The following RAD54L variants were observed in gnomAD, a reference collection of about 807,000 sequenced individuals.
RAD54L encodes the protein DNA repair and recombination protein RAD54-like.
A neutral mutation model predicts 91.6 loss-of-function variants in RAD54L; 74 were observed. The observed-to-expected ratio is 0.81, with a 90% CI of 0.67 to 0.98. The LOEUF (loss-of-function observed/expected upper bound fraction) is 0.98, where lower values mean the gene tolerates loss of function less well. Ranked by LOEUF, RAD54L falls within the 50% of genes least tolerant of loss-of-function variation. RAD54L has a pLI of 0.00. For missense variants in RAD54L, 887 were observed against 945.7 expected (o/e 0.94, Z 0.81); for synonymous variants, 304 against 349.7 (o/e 0.87, Z 1.46).
In RAD54L at chr1:46,265,930, C is replaced by T. The variant is rs1216139742; in HGVS notation, c.892-1529C>T. Among the ~76,000 whole-genome samples the T allele has an allele frequency of 1.3e-5, 2 of 152,304 alleles. No individual in the cohort carries two copies. Among genetic ancestry groups the T allele is most frequent in the South Asian group, 2.1e-4 (1 of 4,828 alleles). On this transcript the variant is annotated intron_variant, in intron 8 of 17. Coordinates refer to ENST00000371975, the MANE Select transcript of RAD54L (RefSeq NM_003579.4). This position sits in a 1 kb window ranked among gnomAD's most constrained non-coding sequence, Gnocchi z 4.8. Reference sequence around the variant, plus strand: ...TAAAATGGATAATACAATTTCCATTCGTGTGGATTACAGAACAGAATACAG... The same window carrying T: ...TAAAATGGATAATACAATTTCCATTTGTGTGGATTACAGAACAGAATACAG...
chr1:46,261,359 A>G lies in RAD54L; in HGVS notation c.865A>G (p.Ser289Gly), dbSNP rs751093452. 7 of 1,613,964 alleles carry G rather than the reference A, an allele frequency of 4.3e-6. No homozygotes were observed. The highest frequency in any genetic ancestry group is 5.1e-6 in the Non-Finnish European group (6 of 1,179,966). ...TCATGTTGGAGTCCTCCAGAAAGGAAGTGTTGGTCTGGTCATATGTGACGA... is the reference window on the plus strand; with the variant it reads ...TCATGTTGGAGTCCTCCAGAAAGGAGGTGTTGGTCTGGTCATATGTGACGA... ...RLHVGVLQKG[S>G]VGLVICDEGH... Residue 289 changes from serine (S) to glycine (G), a missense_variant, in exon 8 of 18, where the codon AGT becomes GGT. Ser to Gly is a moderately conservative substitution (Grantham distance 56). Coordinates refer to ENST00000371975, the MANE Select transcript of RAD54L (RefSeq NM_003579.4).
chr1:46,255,026 C>A lies in RAD54L; in HGVS notation c.211-3660C>A, dbSNP rs1029680084. The stretch of plus-strand genomic sequence containing the variant: ...AGGCAGAAAATATTTGAGGAGTGGT[C>A]AGCTTCGTCAAGTAAGATACATGTC... On this transcript the variant is annotated intron_variant, in intron 3 of 17. Coordinates refer to ENST00000371975, the MANE Select transcript of RAD54L (RefSeq NM_003579.4). 6.6e-5 allele frequency among the ~76,000 whole-genome samples: 10 copies of A among 152,070 alleles called. 1 individual carries two copies. The highest frequency in any genetic ancestry group is 3.9e-4 in the Admixed American group (6 of 15,262).
In RAD54L at chr1:46,248,367, G is replaced by C; in HGVS notation, c.-39G>C. Reference sequence around the variant, plus strand: ...AGCCGCTGCCTGCTTTTGACCTTTGGCTCATGGGTACTTGACGTTTTAAAC... The same window carrying C: ...AGCCGCTGCCTGCTTTTGACCTTTGCCTCATGGGTACTTGACGTTTTAAAC... On this transcript the variant is annotated 5_prime_UTR_variant, in exon 1 of 18. Coordinates refer to ENST00000371975, the MANE Select transcript of RAD54L (RefSeq NM_003579.4). The C allele has an allele frequency of 1.2e-6, 2 of 1,612,722 alleles. No homozygotes were observed. Among genetic ancestry groups the C allele is most frequent in the Non-Finnish European group, 1.7e-6 (2 of 1,179,906 alleles).
chr1:46,273,711 C>CT lies in RAD54L; in HGVS notation c.1577dup (p.Leu526PhefsTer5). ...GTGCTGGTGTCGAATTACACCCAGA[C>CT]TTTGGATCTCTTTGAGAAGCTGTGC... On this transcript the variant is annotated frameshift_variant, in exon 14 of 18. Transcript: ENST00000371975. LOFTEE classifies it high-confidence loss of function. 6.2e-7 allele frequency: 1 copy of CT among 1,612,488 alleles called. No individual in the cohort carries two copies.
At position 46,272,555 on chromosome 1, in the gene RAD54L, T is replaced by C; in HGVS notation, c.1244+15T>C. The C allele has an allele frequency of 6.2e-7, 1 of 1,609,270 alleles. No homozygotes were observed. Among genetic ancestry groups the C allele is most frequent in the Non-Finnish European group, 8.5e-7 (1 of 1,175,566 alleles). On this transcript the variant is annotated intron_variant, in intron 11 of 17. Transcript: ENST00000371975. Reference sequence around the variant, plus strand: ...GTTTGTTGTAGGTACTGAACTCAACTGAAAGATGTGGAGTGGGTCAAAGCC... The same window carrying C: ...GTTTGTTGTAGGTACTGAACTCAACCGAAAGATGTGGAGTGGGTCAAAGCC...
rs540096183 is a variant in RAD54L at position 46,271,511 on chromosome 1, G to A, written c.1169+726G>A. On this transcript the variant is annotated intron_variant, in intron 10 of 17. Transcript: ENST00000371975. ...ATCTCTACTAAATATACAGAAATTA[G>A]CTGGGTGTGGTTGGGGTGCACCTGT... is the stretch of plus-strand genomic sequence containing the variant. Among the ~76,000 whole-genome samples, 3 of 152,148 alleles carry A rather than the reference G, an allele frequency of 2.0e-5. No individual in the cohort carries two copies. The East Asian group carries it at 5.8e-4, about 29-fold the overall frequency.
rs1660663820 is a variant in RAD54L at position 46,277,907 on chromosome 1, CG to C, written c.1961del (p.Arg654ProfsTer8). ...CVVDEEQDVE[R>X]HFSLGELKEL... Reference sequence around the variant, plus strand: ...GGTGGATGAGGAGCAGGATGTAGAGCGCCACTTCTCTCTGGGCGAGTTGAAG... The same window carrying C: ...GGTGGATGAGGAGCAGGATGTAGAGCCCACTTCTCTCTGGGCGAGTTGAAG... On this transcript the variant is annotated frameshift_variant, in exon 17 of 18. Coordinates refer to ENST00000371975, the MANE Select transcript of RAD54L (RefSeq NM_003579.4). LOFTEE classifies it high-confidence loss of function. The C allele has an allele frequency of 3.7e-6, 6 of 1,614,032 alleles. No individual in the cohort carries two copies. In the East Asian group the frequency reaches 1.3e-4, roughly 36 times the overall value.
chr1:46,272,763 TC>T lies in RAD54L; in HGVS notation c.1339del (p.Leu447PhefsTer7). On this transcript the variant is annotated frameshift_variant, in exon 12 of 18. Transcript: ENST00000371975. LOFTEE classifies it high-confidence loss of function. ...ELLEGKMSVS[S>X]LSSITSLKKL... ...GCTTGAGGGCAAGATGAGTGTGTCTTCCCTTTCTTCCATCACCTCGCTAAAG... is the reference window on the plus strand; with the variant it reads ...GCTTGAGGGCAAGATGAGTGTGTCTTCCTTTCTTCCATCACCTCGCTAAAG... 6.2e-7 allele frequency: 1 copy of T among 1,614,212 alleles called. No homozygotes were observed. The highest frequency in any genetic ancestry group is 8.5e-7 in the Non-Finnish European group (1 of 1,180,040).
At chr1:46,253,886 T>C (rs996643327) in intron 3 of RAD54L, among the ~76,000 whole-genome samples, 14 of 152,092 alleles carry the variant, frequency 9.2e-5, no homozygotes, top group Admixed American at 5.2e-4. Flanking sequence ...CTTTAATTCC[T>C]TTTGAAATCA....
intron 3 of RAD54L, among the ~76,000 whole-genome samples, chr1:46,252,578 G>T (rs1659830997): frequency 6.6e-6 from 1 of 152,040 alleles, no homozygotes. Flanking sequence ...ATGAAGTTGG[G>T]ATTTTAGGCT....
At chr1:46,256,456 A>T (rs1275199901) in intron 3 of RAD54L, among the ~76,000 whole-genome samples, 1 of 152,172 alleles carries the variant, frequency 6.6e-6, no homozygotes, top group Non-Finnish European at 1.5e-5. Context: ...TAAAAATAGT[A>T]AAGGCTGGGC....
At chr1:46,255,910 G>A (rs1241271750) in intron 3 of RAD54L, among the ~76,000 whole-genome samples, 1 of 152,112 alleles carries the variant, frequency 6.6e-6, no homozygotes, top group East Asian at 1.9e-4. Flanking sequence ...TATGGTTCCT[G>A]TGTTCTATTG....
intron 8 of RAD54L, among the ~76,000 whole-genome samples, chr1:46,264,476 G>A (rs1660214192): frequency 6.6e-6 from 1 of 152,252 alleles, no homozygotes; most frequent in Admixed American, 6.5e-5. Context: ...CACGGGATCA[G>A]CTCTGGCTTT....
At chr1:46,277,673 G>A (rs1030314269) in intron 16 of RAD54L, 144 bp from the exon 17 acceptor site, 13 of 929,432 alleles carry the variant, frequency 1.4e-5, no homozygotes, top group Non-Finnish European at 2.0e-5. Flanking sequence ...CAGCTGAGTA[G>A]AGATAATGTT....
At chr1:46,261,036 T>C in intron 7 of RAD54L, 21 bp downstream of exon 7, 2 of 1,610,358 alleles carry the variant, frequency 1.2e-6, no homozygotes, top group African/African-American at 2.7e-5. Context: ...CTAACAAAGA[T>C]GGCTGCACTC....
rs1277499745 is a variant in RAD54L, at chr1:46,261,195, G to GTT, written c.767-59_767-58dup. On this transcript the variant is annotated intron_variant, in intron 7 of 17. Coordinates refer to ENST00000371975, the MANE Select transcript of RAD54L (RefSeq NM_003579.4). The stretch of plus-strand genomic sequence containing the variant: ...GGCTAAATTAAAGAACTGTCTAATT[G>GTT]TTTTTTTTGTTTTTTTTTTTTTCAA... The GTT allele has an allele frequency of 2.4e-5, 37 of 1,555,076 alleles. No individual in the cohort carries two copies. The African/African-American group carries it at 4.1e-4, about 17-fold the overall frequency.
rs1211779893 is a variant in RAD54L, at chr1:46,267,482, G to A, written c.915G>A (p.Glu305=). The part of the protein sequence containing the change: ...CDEGHRLKNS[E]NQTYQALDSL... Reference sequence around the variant, plus strand: ...AGGGACACAGGCTCAAGAACTCTGAGAATCAGACTTACCAAGCCCTGGACA... The same window carrying A: ...AGGGACACAGGCTCAAGAACTCTGAAAATCAGACTTACCAAGCCCTGGACA... The change falls in exon 9 of 18, where the codon GAG becomes GAA. Residue 305 remains glutamate, a synonymous_variant. Coordinates refer to ENST00000371975, the MANE Select transcript of RAD54L (RefSeq NM_003579.4). The A allele has an allele frequency of 3.7e-6, 6 of 1,614,010 alleles. No individual in the cohort carries two copies. Among genetic ancestry groups the A allele is most frequent in the Non-Finnish European group, 5.1e-6 (6 of 1,180,044 alleles).
In RAD54L at chr1:46,253,720, C is replaced by CTT. The variant is rs3063981; in HGVS notation, c.210+3621_210+3622dup. Among the ~76,000 whole-genome samples the CTT allele has an allele frequency of 4.9e-4, 41 of 83,616 alleles. 3 individuals are homozygous for CTT. Among genetic ancestry groups the CTT allele is most frequent in the African/African-American group, 1.1e-3 (24 of 22,012 alleles). 54.9% of individuals were successfully genotyped at this position (83,616 alleles called of 152,430 possible). ...ACTCACAGTGATATACTTAGGTACT[C>CTT]TTTTTTTTTTTTTTTTTTTTTGAGA... On this transcript the variant is annotated intron_variant, in intron 3 of 17. Transcript: ENST00000371975.
rs775316332 is a variant in RAD54L, at chr1:46,258,709, G to A, written c.234G>A (p.Leu78=). The change falls in exon 4 of 18, where the codon TTG becomes TTA. Residue 78 remains leucine (L), a synonymous_variant. Coordinates refer to ENST00000371975, the MANE Select transcript of RAD54L (RefSeq NM_003579.4). ...SQHEAFIRSI[L]SKPFKVPIPN... is the part of the protein sequence containing the mutation. ...AGGAAGCATTTATTCGAAGCATTTT[G>A]TCAAAGCCTTTCAAAGTCCCCATTC... is the stretch of plus-strand genomic sequence containing the variant. 1.2e-6 allele frequency: 2 copies of A among 1,608,888 alleles called. No individual in the cohort carries two copies. Among genetic ancestry groups the A allele is most frequent in the South Asian group, 1.1e-5 (1 of 90,984 alleles).
Sources: allele counts gnomAD v4.1 joint callset (sites outside exome capture counted in the v4.1 genomes callset), GRCh38; gene constraint gnomAD v4.1.1; non-coding constraint Gnocchi (gnomAD v3.1); transcripts MANE v1.5; gene names NCBI Gene and HGNC (gene_info 2026-07-23, HGNC 2026-07-21).